UMAD1: variants seen among roughly 807,000 people sequenced by gnomAD.
UMAD1 encodes the protein UBAP1-MVB12-associated (UMA) domain containing 1, also known as UBAP1-MVB12-associated (UMA)-domain containing protein 1.
A neutral mutation model predicts 6.1 loss-of-function variants in UMAD1; 8 were observed. The ratio of observed to expected loss-of-function variants is 1.30; its 90% CI spans 0.76 to 2.35. UMAD1 has a LOEUF of 2.35. UMAD1 is among the 30% of genes most tolerant of loss of function. The pLI, the probability that UMAD1 is intolerant of heterozygous loss-of-function variation, is 0.00. For missense variants in UMAD1, 130 were observed against 78.4 expected (o/e 1.66, Z -2.49); for synonymous variants, 56 against 31.4 (o/e 1.78, Z -2.61).
intron 2 of UMAD1, among the ~76,000 whole-genome samples, chr7:7,717,059 TC>T (rs1780929949): frequency 6.7e-6 from 1 of 149,142 alleles, no homozygotes; most frequent in African/African-American, 2.6e-5. Context: ...TTTCTTTTTT[TC>T]TTTTTTTTTT....
In UMAD1 at chr7:7,654,184, A is replaced by T. The variant is rs576780823; in HGVS notation, c.-64+13363A>T. Among the ~76,000 whole-genome samples the T allele has an allele frequency of 2.5e-3, 375 of 152,296 alleles. 2 individuals carry two copies. Among genetic ancestry groups the T allele is most frequent in the East Asian group, 1.2e-3 (6 of 5,186 alleles). On this transcript the variant is annotated intron_variant, in intron 1 of 3. Transcript: ENST00000682710. ...CAGATCCTTAAATCCATCAACAACA[A>T]AACCAAAACCTTCCCTGACTATTCT...
chr7:7,734,743 C>A (rs1417850111), intron 2 of UMAD1, among the ~76,000 whole-genome samples: 1 of 152,118 alleles, frequency 6.6e-6, no homozygotes, highest in Non-Finnish European at 1.5e-5. Flanking sequence ...AGTTACCTAT[C>A]ATTTCCATTA....
intron 2 of UMAD1, among the ~76,000 whole-genome samples, chr7:7,799,950 C>T (rs1428344173): frequency 3.3e-5 from 5 of 152,230 alleles, no homozygotes; most frequent in Non-Finnish European, 7.3e-5. Context: ...ATGGCGCGTT[C>T]TCGGCTCACT....
At chr7:7,815,612 A>G (rs921434398) in intron 3 of UMAD1, among the ~76,000 whole-genome samples, 1 of 152,190 alleles carries the variant, frequency 6.6e-6, no homozygotes, top group East Asian at 1.9e-4. Flanking sequence ...TCCAGCCATC[A>G]TATCTATTTT....
rs1783438233 is a variant in UMAD1, at chr7:7,830,349, A to G, written c.156+28606A>G. Among the ~76,000 whole-genome samples, 1 of 152,108 alleles carries G rather than the reference A, an allele frequency of 6.6e-6. No individual in the cohort carries two copies. Among genetic ancestry groups the G allele is most frequent in the African/African-American group, 2.4e-5 (1 of 41,418 alleles). Reference sequence around the variant, plus strand: ...CCCTGCCCTTCATTTCCAGCCTAGAATGTGACTGTTTGCCCTGGAGCCTTT... The same window carrying G: ...CCCTGCCCTTCATTTCCAGCCTAGAGTGTGACTGTTTGCCCTGGAGCCTTT... On this transcript the variant is annotated intron_variant, in intron 3 of 3. Transcript: ENST00000682710. This position sits in a 1 kb window ranked among gnomAD's most constrained non-coding sequence, Gnocchi z 5.3.
At chr7:7,846,342 C>G (rs971936535) in intron 3 of UMAD1, among the ~76,000 whole-genome samples, 5 of 152,050 alleles carry the variant, frequency 3.3e-5, no homozygotes, top group Non-Finnish European at 7.4e-5. Flanking sequence ...CCTAGAAATC[C>G]TCTACCACTG....
At chr7:7,856,120 C>A (rs1784011474) in intron 3 of UMAD1, among the ~76,000 whole-genome samples, 1 of 152,220 alleles carries the variant, frequency 6.6e-6, no homozygotes. Context: ...TCTTCTGAGT[C>A]CTCCAAACTG....
At chr7:7,817,157 G>A (rs1783146704) in intron 3 of UMAD1, among the ~76,000 whole-genome samples, 1 of 152,182 alleles carries the variant, frequency 6.6e-6, no homozygotes, top group Admixed American at 6.5e-5. Flanking sequence ...CATACGTCTT[G>A]TGTTCACTGA....
At chr7:7,683,072 A>G (rs551091663) in intron 2 of UMAD1, among the ~76,000 whole-genome samples, 32 of 152,306 alleles carry the variant, frequency 2.1e-4, no homozygotes, top group Non-Finnish European at 3.8e-4. Context: ...GTGAAAGGCA[A>G]TTGCATGAAG....
chr7:7,804,604 C>T (rs1055688280), intron 3 of UMAD1, among the ~76,000 whole-genome samples: 6 of 152,074 alleles, frequency 3.9e-5, no homozygotes, highest in Admixed American at 2.0e-4. Flanking sequence ...AACTGGGAGG[C>T]GGAGGTTGCA....
At chr7:7,803,372 G>A (rs1782840186) in intron 3 of UMAD1, among the ~76,000 whole-genome samples, 1 of 152,192 alleles carries the variant, frequency 6.6e-6, no homozygotes, top group South Asian at 2.1e-4. Flanking sequence ...CTACTCAGAA[G>A]GCTGAGGTGG....
intron 3 of UMAD1, among the ~76,000 whole-genome samples, chr7:7,842,623 A>C (rs1783704559): frequency 6.6e-6 from 1 of 152,008 alleles, no homozygotes; most frequent in Non-Finnish European, 1.5e-5. Context: ...TTTTTAAAAA[A>C]AAAAAAAACT....
intron 3 of UMAD1, among the ~76,000 whole-genome samples, chr7:7,868,142 A>G (rs1040394831): frequency 6.6e-6 from 1 of 152,172 alleles, no homozygotes. Context: ...CTGCCTGGAC[A>G]GCTTACGGTT....
chr7:7,839,445 G>A (rs1431362113), intron 3 of UMAD1, among the ~76,000 whole-genome samples: 3 of 152,150 alleles, frequency 2.0e-5, no homozygotes, highest in Non-Finnish European at 2.9e-5. Context: ...GAACTCCGGG[G>A]CTCAAGCCCT....
chr7:7,860,205 A>AT (rs1275002031), intron 3 of UMAD1, among the ~76,000 whole-genome samples: 1 of 152,180 alleles, frequency 6.6e-6, no homozygotes, highest in Non-Finnish European at 1.5e-5. Flanking sequence ...TCAGATTTTA[A>AT]TTTATAAAAT....
At chr7:7,680,224 C>T (rs1779874847) in intron 2 of UMAD1, among the ~76,000 whole-genome samples, 3 of 151,946 alleles carry the variant, frequency 2.0e-5, no homozygotes, top group Admixed American at 2.0e-4. Flanking sequence ...TTGTATGTGG[C>T]GAGAGATAGG....
chr7:7,665,262 T>A (rs1303748479), intron 1 of UMAD1, among the ~76,000 whole-genome samples: 1 of 152,206 alleles, frequency 6.6e-6, no homozygotes, highest in Non-Finnish European at 1.5e-5. Context: ...CTCTCCTACC[T>A]CTATTCTGAA....
At chr7:7,831,820 A>AATT (rs1349018798) in intron 3 of UMAD1, among the ~76,000 whole-genome samples, 1 of 152,192 alleles carries the variant, frequency 6.6e-6, no homozygotes, top group Non-Finnish European at 1.5e-5. Flanking sequence ...GTATTATTAT[A>AATT]ATTATTATTA....
intron 3 of UMAD1, among the ~76,000 whole-genome samples, chr7:7,858,720 A>T (rs79268597): frequency 0.035 from 5,363 of 152,318 alleles, 191 homozygotes; most frequent in South Asian, 0.15. Context: ...GTGGCCAGGA[A>T]GGAAGTGTGT....
Sources: allele counts gnomAD v4.1 joint callset (sites outside exome capture counted in the v4.1 genomes callset), GRCh38; gene constraint gnomAD v4.1.1; non-coding constraint Gnocchi (gnomAD v3.1); transcripts MANE v1.5; gene names NCBI Gene and HGNC (gene_info 2026-07-23, HGNC 2026-07-21).